KCNH7: variants seen among roughly 807,000 people sequenced by gnomAD.
KCNH7 encodes the protein voltage-gated inwardly rectifying potassium channel KCNH7.
KCNH7 carries 49 observed loss-of-function variants against 120.8 expected under a neutral mutation model. The ratio of observed to expected loss-of-function variants is 0.41; its 90% confidence interval spans 0.32 to 0.51. KCNH7 has a LOEUF of 0.51. Ranked by LOEUF, KCNH7 falls within the 20% of genes least tolerant of loss-of-function variation. The pLI, the probability that KCNH7 is intolerant of heterozygous loss-of-function variation, is 0.38. For synonymous variants in KCNH7, 547 were observed against 516.1 expected, an observed-to-expected ratio of 1.06 and a Z score of -0.81; for missense variants, 1,097 against 1,446.6, an observed-to-expected ratio of 0.76 and a Z score of 3.92.
chr2:162,485,088 C>G (rs1176792844), intron 6 of KCNH7, among the ~76,000 whole-genome samples: 1 of 152,106 alleles, frequency 6.6e-6, no homozygotes, highest in African/African-American at 2.4e-5. Flanking sequence ...TTTAAGCAAA[C>G]ACACAAATAA....
Position 162,814,158 on chromosome 2 carries a change from G to C in KCNH7, c.307+22379C>G, listed in dbSNP as rs182329470. Among the ~76,000 whole-genome samples, 141 of 152,224 alleles carry C rather than the reference G, an allele frequency of 9.3e-4. 2 individuals carry two copies. Among genetic ancestry groups the C allele is most frequent in the Middle Eastern group, 3.4e-3 (1 of 294 alleles). ...AGAAGAGGAAGTAGGAGGTAGAAAA[G>C]GGAGGGAAAGTGGCAGATATACAAG... On this transcript the variant is annotated intron_variant, in intron 2 of 15. Transcript: ENST00000332142.
chr2:162,482,724 C>T (rs1240825478), intron 6 of KCNH7, among the ~76,000 whole-genome samples: 3 of 152,132 alleles, frequency 2.0e-5, no homozygotes, highest in Non-Finnish European at 4.4e-5. Flanking sequence ...CTGCTTCCTA[C>T]AGCAATAGAA....
At chr2:162,733,441 C>G (rs1687797639) in intron 2 of KCNH7, among the ~76,000 whole-genome samples, 1 of 152,218 alleles carries the variant, frequency 6.6e-6, no homozygotes, top group African/African-American at 2.4e-5. Flanking sequence ...TAAGCAGAAG[C>G]AGTAAGAGCC....
intron 5 of KCNH7, among the ~76,000 whole-genome samples, chr2:162,509,933 G>T (rs1035277309): frequency 4.6e-5 from 7 of 151,520 alleles, no homozygotes; most frequent in African/African-American, 1.7e-4. Flanking sequence ...CATTAAAGGG[G>T]CAAAATTGTA....
At chr2:162,798,144 T>C (rs115091146) in intron 2 of KCNH7, among the ~76,000 whole-genome samples, 8,118 of 152,192 alleles carry the variant, frequency 0.053, 307 homozygotes, top group South Asian at 0.11. Flanking sequence ...ATGTAAACTA[T>C]ACATAGTTAT....
At chr2:162,740,274 G>T (rs1688076019) in intron 2 of KCNH7, among the ~76,000 whole-genome samples, 1 of 152,208 alleles carries the variant, frequency 6.6e-6, no homozygotes, top group African/African-American at 2.4e-5. Flanking sequence ...ATACAAAAAT[G>T]GGTCTGGAGC....
intron 2 of KCNH7, among the ~76,000 whole-genome samples, chr2:162,829,813 T>C (rs1477260472): frequency 6.7e-6 from 1 of 149,798 alleles, no homozygotes; most frequent in Non-Finnish European, 1.5e-5. Context: ...ACTTTTCCTA[T>C]AACACACTTT....
chr2:162,549,596 T>C (rs568104096), intron 2 of KCNH7, among the ~76,000 whole-genome samples: 1 of 152,178 alleles, frequency 6.6e-6, no homozygotes, highest in Admixed American at 6.5e-5. Context: ...AGACTTTTTA[T>C]AATCCCTCAA....
intron 2 of KCNH7, among the ~76,000 whole-genome samples, chr2:162,748,579 T>G (rs1379196004): frequency 6.6e-6 from 1 of 152,212 alleles, no homozygotes; most frequent in Non-Finnish European, 1.5e-5. Context: ...TCTTATTGAT[T>G]CAACTGGCTA....
At chr2:162,504,339 T>A in intron 6 of KCNH7, 104 bp downstream of exon 6, 1 of 815,490 alleles carries the variant, frequency 1.2e-6, no homozygotes, top group Non-Finnish European at 2.0e-6. Context: ...AAAGAAAAAA[T>A]GTCTTACCTC....
intron 2 of KCNH7, among the ~76,000 whole-genome samples, chr2:162,831,582 G>A (rs1369819021): frequency 6.6e-6 from 1 of 152,138 alleles, no homozygotes; most frequent in Non-Finnish European, 1.5e-5. Context: ...ACTTCCCTGT[G>A]GCTCAACTAA....
At chr2:162,376,271 C>G (rs375394122) in intron 14 of KCNH7, among the ~76,000 whole-genome samples, 37 of 152,038 alleles carry the variant, frequency 2.4e-4, no homozygotes, top group African/African-American at 8.9e-4. Context: ...CAATGCCATA[C>G]TAGAGGCATG....
intron 2 of KCNH7, among the ~76,000 whole-genome samples, chr2:162,722,154 A>T (rs570277772): frequency 6.6e-6 from 1 of 152,106 alleles, no homozygotes; most frequent in East Asian, 1.9e-4. Context: ...TACTAAACGA[A>T]CCAAAATTAT....
At chr2:162,686,807 G>T (rs576030136) in intron 2 of KCNH7, among the ~76,000 whole-genome samples, 1 of 152,044 alleles carries the variant, frequency 6.6e-6, no homozygotes, top group Non-Finnish European at 1.5e-5. Context: ...AGTTCTTGAG[G>T]GTCATCAGTC....
At chr2:162,790,231 G>A (rs945388837) in intron 2 of KCNH7, among the ~76,000 whole-genome samples, 1 of 151,688 alleles carries the variant, frequency 6.6e-6, no homozygotes, top group African/African-American at 2.4e-5. Flanking sequence ...GGATAACCGA[G>A]AAGAAATGGA....
At chr2:162,822,786 T>A (rs1685159658) in intron 2 of KCNH7, among the ~76,000 whole-genome samples, 1 of 152,106 alleles carries the variant, frequency 6.6e-6, no homozygotes, top group Non-Finnish European at 1.5e-5. Context: ...ATAGCAATGG[T>A]TTTTAAACCT....
intron 2 of KCNH7, among the ~76,000 whole-genome samples, chr2:162,707,954 G>A (rs1376436466): frequency 6.6e-6 from 1 of 151,518 alleles, no homozygotes; most frequent in Non-Finnish European, 1.5e-5. Flanking sequence ...CCTTCTCAGT[G>A]ATTCCTCCCT....
intron 2 of KCNH7, among the ~76,000 whole-genome samples, chr2:162,672,036 A>C (rs563099913): frequency 6.6e-5 from 10 of 152,244 alleles, no homozygotes; most frequent in Admixed American, 6.5e-4. Flanking sequence ...ACTAACATAT[A>C]CTTCAATAAA....
intron 4 of KCNH7, among the ~76,000 whole-genome samples, chr2:162,516,900 C>T (rs1691315679): frequency 6.6e-6 from 1 of 151,716 alleles, no homozygotes; most frequent in African/African-American, 2.4e-5. Context: ...ATTTATTTAA[C>T]ATAGTTAAGC....
Sources: allele counts gnomAD v4.1 joint callset (sites outside exome capture counted in the v4.1 genomes callset), GRCh38; gene constraint gnomAD v4.1.1; transcripts MANE v1.5; gene names NCBI Gene and HGNC (gene_info 2026-07-23, HGNC 2026-07-21).